Variants in ACTA2 observed in about 807,000 individuals in gnomAD.
ACTA2 encodes the protein actin, aortic smooth muscle.
In ACTA2, 12 loss-of-function variants were observed where a neutral mutation model predicts 39.5. The ratio of observed to expected loss-of-function variants is 0.30; its 90% CI spans 0.19 to 0.49. The LOEUF is 0.49. ACTA2 is among the 20% of genes least tolerant of loss of function. ACTA2 has a pLI of 0.99. For synonymous variants in ACTA2, 158 were observed against 180.6 expected (o/e 0.88, Z 1.00); for missense variants, 236 against 498.8 (o/e 0.47, Z 5.02).
upstream of ACTA2, among the ~76,000 whole-genome samples, chr10:88,956,646 A>G (rs1370656717): frequency 1.3e-5 from 2 of 152,244 alleles, no homozygotes; most frequent in South Asian, 4.1e-4. Flanking sequence ...TCACCACCCA[A>G]TGTGTTTGCC....
rs79127111 is a variant in ACTA2 at position 88,941,720 on chromosome 10, C to T, written c.454+65G>A. 0.011 allele frequency: 15,185 copies of T among 1,436,930 alleles called. 107 individuals carry two copies. Among genetic ancestry groups the T allele is most frequent in the Non-Finnish European group, 0.012 (12,084 of 1,035,650 alleles). The allele number at this position is 1,436,930 out of a possible 1,614,324, so 89.0% of individuals were successfully genotyped here. A position where few individuals can be genotyped will look rare whatever the true frequency, so the allele number is the denominator to read the frequency against. ...CCAGTCCGTCACCCCCACGTGTTAACGACCATTCAATCCCATCTCTGGCAG... is the reference window on the plus strand; with the variant it reads ...CCAGTCCGTCACCCCCACGTGTTAATGACCATTCAATCCCATCTCTGGCAG... On this transcript the variant is annotated intron_variant, in intron 5 of 8. Transcript: ENST00000224784.
chr10:88,970,390 T>C (rs780073810), intron 1 of ACTA2, among the ~76,000 whole-genome samples: 2 of 152,158 alleles, frequency 1.3e-5, no homozygotes, highest in Middle Eastern at 3.2e-3. Flanking sequence ...TGTGCCCTTT[T>C]CTGACTTCCA....
At chr10:88,956,988 A>G (rs572048866), upstream of ACTA2, among the ~76,000 whole-genome samples, 42 of 152,332 alleles carry the variant, frequency 2.8e-4, no homozygotes, top group Non-Finnish European at 5.3e-4. Context: ...GCCCTTATCA[A>G]TTAAACACCT....
intron 1 of ACTA2, among the ~76,000 whole-genome samples, chr10:88,966,716 C>T (rs2133311728): frequency 6.6e-6 from 1 of 152,282 alleles, no homozygotes; most frequent in Admixed American, 6.5e-5. Context: ...TGCAAAATGA[C>T]AATGGCACTT....
At chr10:88,955,033 AGAAG>A (rs1353390417), upstream of ACTA2, among the ~76,000 whole-genome samples, 1 of 140,558 alleles carries the variant, frequency 7.1e-6, no homozygotes, top group East Asian at 2.1e-4. Context: ...AAAAAAAAAA[AGAAG>A]AAGAAGGAAA....
At chr10:88,958,897 C>A (rs1031825444) in intron 1 of ACTA2, among the ~76,000 whole-genome samples, 1 of 152,074 alleles carries the variant, frequency 6.6e-6, no homozygotes, top group Non-Finnish European at 1.5e-5. Flanking sequence ...CCTTAAAAGT[C>A]CCAGGAAATC....
chr10:88,980,749 A>G (rs369648781), intron 1 of ACTA2, among the ~76,000 whole-genome samples: 36 of 152,250 alleles, frequency 2.4e-4, no homozygotes, highest in African/African-American at 7.7e-4. Context: ...GACTCGAGCC[A>G]TATAAAGTCA....
At chr10:88,941,762 T>A (rs1390568733) in intron 5 of ACTA2, 23 bp downstream of exon 5, 1 of 1,601,228 alleles carries the variant, frequency 6.2e-7, no homozygotes, top group South Asian at 1.1e-5. Context: ...CCAACCAGCT[T>A]GCTGTCCCGC....
At chr10:88,979,730 A>G (rs936957423) in intron 1 of ACTA2, among the ~76,000 whole-genome samples, 2 of 152,210 alleles carry the variant, frequency 1.3e-5, no homozygotes, top group African/African-American at 4.8e-5. Flanking sequence ...TCGATCAGAA[A>G]AGGTTACATG....
intron 1 of ACTA2, among the ~76,000 whole-genome samples, chr10:88,989,814 AG>A (rs1847058945): frequency 6.6e-6 from 1 of 152,210 alleles, no homozygotes; most frequent in South Asian, 2.1e-4. Flanking sequence ...ACGATGCCAA[AG>A]GAATACTGAA....
Position 88,948,759 on chromosome 10 carries a change from C to G in ACTA2, c.129+43G>C, listed in dbSNP as rs373332226. 8.7e-6 allele frequency: 14 copies of G among 1,612,342 alleles called. No homozygotes were observed. In the African/African-American group the frequency reaches 1.9e-4, roughly 22 times the overall value. ...GGGGATAAACATGAACACAGAGGAA[C>G]CTAATCTGTGTCCTGTTATGTTCCA... On this transcript the variant is annotated intron_variant, in intron 2 of 8. Transcript: ENST00000224784.
At chr10:88,954,224 T>C (rs1846096856), upstream of ACTA2, among the ~76,000 whole-genome samples, 1 of 152,194 alleles carries the variant, frequency 6.6e-6, no homozygotes, top group South Asian at 2.1e-4. Flanking sequence ...ATCTGTTTGA[T>C]TAATGGTGCC....
chr10:88,973,723 A>G (rs1264000082), intron 1 of ACTA2: 1 of 155,100 alleles, frequency 6.4e-6, no homozygotes, highest in Non-Finnish European at 1.4e-5. Flanking sequence ...TTCCAAAAAA[A>G]TCATCTAGCA....
upstream of ACTA2, among the ~76,000 whole-genome samples, chr10:88,956,728 G>C (rs994193205): frequency 5.3e-5 from 8 of 152,206 alleles, no homozygotes; most frequent in Middle Eastern, 3.2e-3. Context: ...GTTGGCATCA[G>C]ATGTACTTAC....
chr10:88,964,422 T>C (rs1182345126), intron 1 of ACTA2, among the ~76,000 whole-genome samples: 1 of 152,172 alleles, frequency 6.6e-6, no homozygotes, highest in Admixed American at 6.6e-5. Context: ...CTTGAGTTTC[T>C]AGGGGTGGCA....
At chr10:88,982,305 A>G (rs2133350973) in intron 1 of ACTA2, among the ~76,000 whole-genome samples, 1 of 152,366 alleles carries the variant, frequency 6.6e-6, no homozygotes, top group South Asian at 2.1e-4. Context: ...AGTGATCTAA[A>G]TGAAGAGGTA....
At position 88,990,575 on chromosome 10, in the gene ACTA2, C is replaced by G. The variant is rs368829675; in HGVS notation, c.-24+364G>C. ...AGTTGCTGAATCAATGGAGCCCTCC[C>G]CAACCCGGGCGTTCCCCAGCGAGGC... On this transcript the variant is annotated intron_variant, in intron 1 of 4. Transcript: ENST00000415557. The surrounding 1 kb of genome is among the most constrained non-coding windows in gnomAD (Gnocchi z 4.9). 5 of 658,554 alleles carry G rather than the reference C, an allele frequency of 7.6e-6. No individual in the cohort carries two copies. The highest frequency in any genetic ancestry group is 1.4e-5 in the Non-Finnish European group (5 of 358,418). The allele number at this position is 658,554 out of a possible 1,614,324, so 40.8% of individuals were successfully genotyped here. A position where few individuals can be genotyped will look rare whatever the true frequency, so the allele number is the denominator to read the frequency against.
intron 1 of ACTA2, among the ~76,000 whole-genome samples, chr10:88,966,952 A>C (rs886331192): frequency 6.6e-6 from 1 of 152,214 alleles, no homozygotes; most frequent in Non-Finnish European, 1.5e-5. Flanking sequence ...TTGAGTGAGA[A>C]GATCCCATAA....
At position 88,938,027 on chromosome 10, in the gene ACTA2, C is replaced by T. The variant is rs376673810; in HGVS notation, c.990+34G>A. ...GTGGTTATAGGGCTGACACTGCTGG[C>T]GGCATTGCCACTGGGTCTGTCACTG... is the stretch of plus-strand genomic sequence containing the variant. On this transcript the variant is annotated intron_variant, in intron 8 of 8. Transcript: ENST00000224784. The T allele has an allele frequency of 3.4e-5, 54 of 1,611,712 alleles. 1 individual carries two copies. The highest frequency in any genetic ancestry group is 1.8e-4 in the Admixed American group (11 of 59,988).
Sources: gnomAD v4.1 joint callset for allele counts (sites outside exome capture counted in the v4.1 genomes callset) on GRCh38, gnomAD v4.1.1 for gene constraint, Gnocchi (gnomAD v3.1) non-coding constraint, MANE v1.5 for transcripts, NCBI Gene and HGNC (gene_info 2026-07-23, HGNC 2026-07-21) for gene names.